The following ARK2C variants were observed in gnomAD, a reference collection of about 807,000 sequenced individuals.
ARK2C encodes E3 ubiquitin-protein ligase ARK2C.
chr18:46,351,410 CA>C, the ARK2C span, among the ~76,000 whole-genome samples: 1 of 152,116 alleles, frequency 6.6e-6, no homozygotes, highest in Admixed American at 6.5e-5. Flanking sequence ...CAGAAAAAGA[CA>C]AGATCAAGAG....
chr18:46,366,007 T>C, the ARK2C span, among the ~76,000 whole-genome samples: 24 of 151,950 alleles, frequency 1.6e-4, no homozygotes, highest in African/African-American at 5.8e-4. Flanking sequence ...AAGAGATAAC[T>C]CTTGGCTGGG....
the ARK2C span, among the ~76,000 whole-genome samples, chr18:46,381,120 C>T: frequency 1.3e-5 from 2 of 152,198 alleles, no homozygotes; most frequent in African/African-American, 2.4e-5. Flanking sequence ...ATCTCTCTGC[C>T]CTCCCCATGG....
the ARK2C span, among the ~76,000 whole-genome samples, chr18:46,426,167 A>G: frequency 1.3e-5 from 2 of 152,074 alleles, no homozygotes; most frequent in Non-Finnish European, 2.9e-5. Flanking sequence ...CACTGCTACC[A>G]TATTTCATCA....
the ARK2C span, among the ~76,000 whole-genome samples, chr18:46,368,861 A>G: frequency 2.0e-5 from 3 of 152,346 alleles, no homozygotes; most frequent in Non-Finnish European, 4.4e-5. Context: ...TGTCTACCTG[A>G]TAGAGTGGTT....
the ARK2C span, chr18:46,450,421 C>T: frequency 6.5e-7 from 1 of 1,546,292 alleles, no homozygotes; most frequent in Non-Finnish European, 8.9e-7. Flanking sequence ...CTGTCTGGTA[C>T]CAACTGGGTT....
the ARK2C span, among the ~76,000 whole-genome samples, chr18:46,348,387 T>C: frequency 6.6e-6 from 1 of 152,324 alleles, no homozygotes; most frequent in South Asian, 2.1e-4. Flanking sequence ...CCAGCGTTGC[T>C]GGTGGTTGAT....
At chr18:46,357,108 G>T in the ARK2C span, among the ~76,000 whole-genome samples, 6 of 152,188 alleles carry the variant, frequency 3.9e-5, no homozygotes, top group African/African-American at 1.2e-4. Flanking sequence ...CGAATTTCAA[G>T]TATGAACTCG....
chr18:46,429,169 T>G, the ARK2C span, among the ~76,000 whole-genome samples: 2 of 152,244 alleles, frequency 1.3e-5, no homozygotes, highest in African/African-American at 4.8e-5. Context: ...TTGTGGGAAT[T>G]AAAGTTCTAG....
chr18:46,439,341 A>G, the ARK2C span, among the ~76,000 whole-genome samples: 7 of 152,192 alleles, frequency 4.6e-5, no homozygotes, highest in African/African-American at 1.7e-4. Flanking sequence ...CAGTGGGAGC[A>G]TAGGAAGTTA....
chr18:46,422,155 CT>C, the ARK2C span, among the ~76,000 whole-genome samples: 1 of 152,212 alleles, frequency 6.6e-6, no homozygotes, highest in African/African-American at 2.4e-5. Context: ...AGATGGCCCA[CT>C]TTCGTTTTCT....
chr18:46,430,331 G>A, the ARK2C span, among the ~76,000 whole-genome samples: 7,468 of 152,230 alleles, frequency 0.049, 257 homozygotes, highest in African/African-American at 0.087. Context: ...ATCTCAAGCT[G>A]TTCTGATTTC....
At chr18:46,345,319 C>T in the ARK2C span, among the ~76,000 whole-genome samples, 116 of 152,312 alleles carry the variant, frequency 7.6e-4, no homozygotes, top group African/African-American at 2.4e-3. Flanking sequence ...TGGTCTTCCC[C>T]GGGCAGGTGC....
the ARK2C span, chr18:46,433,186 C>A: frequency 6.4e-7 from 1 of 1,568,136 alleles, no homozygotes; most frequent in Non-Finnish European, 8.7e-7. Context: ...TCCTTGCCTT[C>A]CAGGTGCCCC....
At chr18:46,336,438 G>A in the ARK2C span, 39 of 985,238 alleles carry the variant, frequency 4.0e-5, no homozygotes, top group African/African-American at 1.2e-4. Flanking sequence ...TTACTTTCAC[G>A]GCAAACATGC....
the ARK2C span, among the ~76,000 whole-genome samples, chr18:46,405,066 G>A: frequency 2.6e-5 from 4 of 151,940 alleles, no homozygotes; most frequent in African/African-American, 4.8e-5. Flanking sequence ...TTTTGGTAAG[G>A]CTCATCATAG....
chr18:46,355,907 GTGA>G, the ARK2C span, among the ~76,000 whole-genome samples: 16 of 152,082 alleles, frequency 1.1e-4, no homozygotes, highest in African/African-American at 1.9e-4. Flanking sequence ...GACGACAATG[GTGA>G]TGATGATGAT....
the ARK2C span, among the ~76,000 whole-genome samples, chr18:46,347,109 G>A: frequency 2.6e-5 from 4 of 152,300 alleles, no homozygotes; most frequent in South Asian, 8.3e-4. Flanking sequence ...GCCTCCCGGA[G>A]GAGGCAGGAC....
chr18:46,419,184 G>A, the ARK2C span, among the ~76,000 whole-genome samples: 2 of 152,166 alleles, frequency 1.3e-5, no homozygotes, highest in African/African-American at 4.8e-5. Flanking sequence ...TCCCCTGCCT[G>A]GTATTTTACT....
chr18:46,404,579 C>A, the ARK2C span, among the ~76,000 whole-genome samples: 1 of 152,046 alleles, frequency 6.6e-6, no homozygotes, highest in Non-Finnish European at 1.5e-5. Context: ...CATGGTGAAA[C>A]CCATCTCTAC....
Sources: allele counts gnomAD v4.1 joint callset (sites outside exome capture counted in the v4.1 genomes callset), GRCh38; gene constraint gnomAD v4.1.1; transcripts MANE v1.5; gene names NCBI Gene and HGNC (gene_info 2026-07-23, HGNC 2026-07-21).